The following IQCE variants were observed in gnomAD, a reference collection of about 807,000 sequenced individuals.
The protein encoded by IQCE is IQ motif containing E.
IQCE carries 115 observed loss-of-function variants against 96.0 expected under a neutral mutation model. The ratio of observed to expected loss-of-function variants is 1.20; its 90% CI spans 1.03 to 1.40. IQCE has a LOEUF of 1.40. Ranked by LOEUF, IQCE falls within the 40% of genes most tolerant of loss-of-function variation. IQCE has a pLI of 0.00. For synonymous variants in IQCE, 412 were observed against 371.2 expected, an observed-to-expected ratio of 1.11 and a Z score of -1.26; for missense variants, 1,041 against 909.1, an observed-to-expected ratio of 1.15 and a Z score of -1.87.
chr7:2,575,804 G>A (rs937051180), intron 6 of IQCE, among the ~76,000 whole-genome samples: 3 of 150,056 alleles, frequency 2.0e-5, no homozygotes, highest in Non-Finnish European at 2.9e-5. Flanking sequence ...AGATGAGGCA[G>A]AAAGAAAACT....
chr7:2,601,477 T>G lies in IQCE; in HGVS notation c.1632+13T>G. On this transcript the variant is annotated intron_variant, in intron 18 of 21. Coordinates refer to ENST00000402050, the MANE Select transcript of IQCE (RefSeq NM_152558.5). ...TGTTCTGGATGAGGTAAGCGAGGTTTATTTCTTGTTTCAAAATTCGGATTT... is the reference window on the plus strand; with the variant it reads ...TGTTCTGGATGAGGTAAGCGAGGTTGATTTCTTGTTTCAAAATTCGGATTT... 1 of 1,578,938 alleles carries G rather than the reference T, an allele frequency of 6.3e-7. No homozygotes were observed. The highest frequency in any genetic ancestry group is 8.7e-7 in the Non-Finnish European group (1 of 1,149,656).
chr7:2,583,599 C>T, intron 9 of IQCE, 38 bp from the exon 10 acceptor site: 1 of 1,518,100 alleles, frequency 6.6e-7, no homozygotes, highest in Non-Finnish European at 9.0e-7. Context: ...CCTGGGAACG[C>T]TGGCACATCC....
chr7:2,607,160 C>A lies in IQCE; in HGVS notation c.1902C>A (p.Thr634=), dbSNP rs142029314. 4.3e-6 allele frequency: 7 copies of A among 1,611,976 alleles called. No individual in the cohort carries two copies. The highest frequency in any genetic ancestry group is 1.7e-4 in the Middle Eastern group (1 of 6,046). The change falls in exon 21 of 22, where the codon ACC becomes ACA. Residue 634 remains threonine (T), a synonymous_variant. Transcript: ENST00000402050. ...AAAGAACCACCACCGCAGCTTCTAC[C>A]AGGAGGAGATCGGCTTCAGCCACAC... ...TGKRTTTAAS[T]RRRSASATHG...
At position 2,613,225 on chromosome 7, in the gene IQCE, T is replaced by G. The variant is rs999911861; in HGVS notation, c.*3063T>G. 6.6e-5 allele frequency: 10 copies of G among 152,428 alleles called. No homozygotes were observed. Among genetic ancestry groups the G allele is most frequent in the Admixed American group, 5.2e-4 (8 of 15,300 alleles). 9.4% of individuals were successfully genotyped at this position (152,428 alleles called of 1,614,324 possible). A position where few individuals can be genotyped will look rare whatever the true frequency, so the allele number is the denominator to read the frequency against. On this transcript the variant is annotated 3_prime_UTR_variant, in exon 22 of 22. Transcript: ENST00000402050. ...GTCACGTCTGTTGAGCTGACACTGCTGAGGCTGAAGCTGGCCCCGTGCAGG... is the reference window on the plus strand; with the variant it reads ...GTCACGTCTGTTGAGCTGACACTGCGGAGGCTGAAGCTGGCCCCGTGCAGG...
Position 2,587,869 on chromosome 7 carries a change from C to T in IQCE, c.1036C>T (p.Leu346=). The T allele has an allele frequency of 9.3e-6, 15 of 1,614,014 alleles. No homozygotes were observed. Among genetic ancestry groups the T allele is most frequent in the Non-Finnish European group, 1.3e-5 (15 of 1,179,910 alleles). Residue 346 remains leucine, a synonymous_variant, in exon 13 of 22, where the codon CTG becomes TTG. Coordinates refer to ENST00000402050, the MANE Select transcript of IQCE (RefSeq NM_152558.5). ...CCGGCTGCTGAGGCGCATTGTGGAG[C>T]TGGAGAAGGTGAGCGGGCGTCTCAG... ...KPRLLRRIVE[L]EKKLSVMESS...
chr7:2,568,867 C>A, intron 2 of IQCE, 87 bp from the exon 3 acceptor site: 1 of 1,264,508 alleles, frequency 7.9e-7, no homozygotes, highest in Middle Eastern at 1.9e-4. Context: ...CTTACACGAC[C>A]CCTGACCCTT....
intron 1 of IQCE, chr7:2,559,489 G>GGGGGCGAC (rs1780757325): frequency 4.2e-6 from 1 of 237,754 alleles, no homozygotes; most frequent in Non-Finnish European, 8.0e-6. Flanking sequence ...GCGCCTGCGA[G>GGGGGCGAC]TCTGCGGCCC....
At chr7:2,578,111 T>TGGCTGTGCGC (rs1782337396) in intron 6 of IQCE, 131 bp from the exon 7 acceptor site, 4 of 673,106 alleles carry the variant, frequency 5.9e-6, no homozygotes, top group Non-Finnish European at 1.0e-5. Flanking sequence ...GGCGTGTGCG[T>TGGCTGTGCGC]GGCTGTGCGC....
At chr7:2,582,715 C>T (rs2128450020) in intron 9 of IQCE, 65 bp downstream of exon 9, 1 of 1,429,070 alleles carries the variant, frequency 7.0e-7, no homozygotes. Flanking sequence ...CAGACGCCCG[C>T]CTTTGTTCCT....
Position 2,590,027 on chromosome 7 carries a change from G to T in IQCE, c.1165G>T (p.Asp389Tyr). The T allele has an allele frequency of 6.2e-7, 1 of 1,613,792 alleles. No individual in the cohort carries two copies. ...HRQPRGDRNK[D>Y]HERLRGAVRD... ...ACAGCCACGAGGGGACCGCAACAAG[G>T]ACCACGAGCGTCTCCGAGGGGCTGT... is the stretch of plus-strand genomic sequence containing the variant. The change falls in exon 14 of 22, where the codon GAC (aspartate) becomes TAC (tyrosine). Residue 389 changes from aspartate (D) to tyrosine (Y), a missense_variant. Transcript: ENST00000402050.
At position 2,581,034 on chromosome 7, in the gene IQCE, G is replaced by A. The variant is rs182123699; in HGVS notation, c.631-1546G>A. On this transcript the variant is annotated intron_variant, in intron 8 of 21. Transcript: ENST00000402050. ...AATTTTTTGTATTTTTAGTAGAGAC[G>A]GGGTTTCACCGTGTTAGCCAGGATG... Among the ~76,000 whole-genome samples, 979 of 151,986 alleles carry A rather than the reference G, an allele frequency of 6.4e-3. 13 individuals carry two copies. Among genetic ancestry groups the A allele is most frequent in the African/African-American group, 0.022 (918 of 41,420 alleles).
At position 2,613,587 on chromosome 7, in the gene IQCE, C is replaced by T. The variant is rs1785186775; in HGVS notation, c.*3425C>T. 6.6e-6 allele frequency: 1 copy of T among 152,306 alleles called. No individual in the cohort carries two copies. Among genetic ancestry groups the T allele is most frequent in the African/African-American group, 2.4e-5 (1 of 41,452 alleles). The allele number at this position is 152,306 out of a possible 1,614,324, so 9.4% of individuals were successfully genotyped here. The stretch of plus-strand genomic sequence containing the variant: ...CCATGACCCTGGGTGTCCCTTGGTT[C>T]ACATCACCCACCAGACAGCTGCGGA... On this transcript the variant is annotated 3_prime_UTR_variant, in exon 22 of 22. Coordinates refer to ENST00000402050, the MANE Select transcript of IQCE (RefSeq NM_152558.5).
At position 2,567,149 on chromosome 7, in the gene IQCE, T is replaced by C. The variant is rs1781436710; in HGVS notation, c.70T>C (p.Ser24Pro). 6.2e-7 allele frequency: 1 copy of C among 1,613,750 alleles called. No individual in the cohort carries two copies. Among genetic ancestry groups the C allele is most frequent in the African/African-American group, 1.3e-5 (1 of 74,926 alleles). Residue 24 changes from serine to proline, a missense_variant, in exon 2 of 22, where the codon TCT (serine) becomes CCT (proline). Physicochemically the swap from Ser to Pro is moderately conservative, Grantham distance 74 (BLOSUM62 -1). Coordinates refer to ENST00000402050, the MANE Select transcript of IQCE (RefSeq NM_152558.5). Reference protein sequence around the residue: ...DDSLSAVTFDSDVETKAKRKA... With the variant: ...DDSLSAVTFDPDVETKAKRKA... ...CAGTCTGTCTGCAGTCACCTTTGAC[T>C]CTGATGTGGAGACGGTGAGTGCCGC...
chr7:2,586,525 G>A (rs901130597), intron 12 of IQCE, among the ~76,000 whole-genome samples, 154 bp downstream of exon 12: 5 of 152,228 alleles, frequency 3.3e-5, no homozygotes, highest in South Asian at 2.1e-4. Flanking sequence ...AGCACCTGCC[G>A]CGGGCCACGC....
At chr7:2,593,296 G>A (rs894535248) in intron 15 of IQCE, among the ~76,000 whole-genome samples, 170 bp downstream of exon 15, 1 of 152,260 alleles carries the variant, frequency 6.6e-6, no homozygotes, top group Admixed American at 6.5e-5. Flanking sequence ...CTAACCTCTT[G>A]GTGCTGAGCA....
rs769750310 is a variant in IQCE, at chr7:2,594,923, T to C, written c.1387T>C (p.Leu463=). 1.7e-5 allele frequency: 27 copies of C among 1,613,784 alleles called. 1 individual carries two copies. The East Asian group carries it at 6.0e-4, about 36-fold the overall frequency. ...GACACTTACCAGCAAGCTCCAAGAA[T>C]TGCAAGAAATGAAGAAAGAAGAGAA... ...IQTLTSKLQE[L]QEMKKEEKED... Residue 463 remains leucine, a synonymous_variant, in exon 16 of 22, where the codon TTG becomes CTG. Coordinates refer to ENST00000402050, the MANE Select transcript of IQCE (RefSeq NM_152558.5).
At chr7:2,608,226 G>A (rs1017995877) in intron 21 of IQCE, among the ~76,000 whole-genome samples, 1 of 152,204 alleles carries the variant, frequency 6.6e-6, no homozygotes, top group Admixed American at 6.5e-5. Context: ...CCCGTGGCGG[G>A]CGGAGGCCTC....
rs1781801599 is a variant in IQCE, at chr7:2,572,203, C to G, written c.271C>G (p.Gln91Glu). The G allele has an allele frequency of 6.2e-7, 1 of 1,613,676 alleles. No individual in the cohort carries two copies. The highest frequency in any genetic ancestry group is 1.1e-5 in the South Asian group (1 of 91,040). ...LGTAKPGSLTQALNSPLTWEH... is the reference protein window; with the variant it reads ...LGTAKPGSLTEALNSPLTWEH... ...CACATTCAAACCAGGAAGTCTGACC[C>G]AGGCCCTGAACTCACCCCTCACCTG... The change falls in exon 5 of 22, where the codon CAG (glutamine) becomes GAG (glutamate). Residue 91 changes from glutamine (Q) to glutamate (E), a missense_variant. Gln to Glu is a conservative substitution (Grantham distance 29, BLOSUM62 2). Coordinates refer to ENST00000402050, the MANE Select transcript of IQCE (RefSeq NM_152558.5).
chr7:2,591,899 GGC>G (rs1783616366), intron 14 of IQCE, among the ~76,000 whole-genome samples: 3 of 151,576 alleles, frequency 2.0e-5, no homozygotes, highest in African/African-American at 7.3e-5. Context: ...TGGGATTACA[GGC>G]GTGAGCCACC....
Sources: allele counts gnomAD v4.1 joint callset (sites outside exome capture counted in the v4.1 genomes callset), GRCh38; gene constraint gnomAD v4.1.1; transcripts MANE v1.5; gene names NCBI Gene and HGNC (gene_info 2026-07-23, HGNC 2026-07-21).